Variants in FBXL4 observed in about 807,000 individuals in gnomAD.
FBXL4 encodes F-box and leucine rich repeat protein 4.
In FBXL4, 40 loss-of-function variants were observed where a neutral mutation model predicts 58.9. The observed-to-expected ratio is 0.68, with a 90% CI of 0.53 to 0.88. The LOEUF (loss-of-function observed/expected upper bound fraction) is 0.88, where lower values mean the gene tolerates loss of function less well. Among genes scored for constraint, FBXL4 ranks in the 40% least tolerant of loss-of-function variants. The pLI is 0.00. For missense variants in FBXL4, 676 were observed against 734.4 expected (o/e 0.92, Z 0.92); for synonymous variants, 263 against 265.5 (o/e 0.99, Z 0.09).
intron 4 of FBXL4, among the ~76,000 whole-genome samples, chr6:98,918,295 T>A (rs1299450047): frequency 2.0e-5 from 3 of 152,220 alleles, no homozygotes; most frequent in African/African-American, 7.2e-5. Context: ...TATCCTTATA[T>A]CCTTAGTATC....
intron 7 of FBXL4, among the ~76,000 whole-genome samples, chr6:98,888,533 T>C (rs1354254966): frequency 6.6e-6 from 1 of 152,174 alleles, no homozygotes; most frequent in East Asian, 1.9e-4. Flanking sequence ...AGTGAAAAAT[T>C]CTATGAACCT....
At chr6:98,896,976 T>C (rs1415886850) in intron 7 of FBXL4, 1 of 985,128 alleles carries the variant, frequency 1.0e-6, no homozygotes, top group Non-Finnish European at 1.2e-6. Flanking sequence ...TTAGATCACA[T>C]TACTATACAA....
At position 98,875,531 on chromosome 6, in the gene FBXL4, G is replaced by T. The variant is rs1443104983; in HGVS notation, c.1586C>A (p.Ala529Glu). Residue 529 changes from alanine (A) to glutamate (E), a missense_variant, in exon 9 of 10, where the codon GCA becomes GAA. Ala to Glu is a moderately radical substitution (Grantham distance 107). Coordinates refer to ENST00000369244, the MANE Select transcript of FBXL4 (RefSeq NM_001278716.2). ...QSSTGCFTRL[A>E]HQLPNLQKLF... ...TTTTTGCAAGTTTGGGAGCTGGTGT[G>T]CCAGTCTGGTGAAGCACCCGGTGCT... The T allele has an allele frequency of 1.9e-6, 3 of 1,614,010 alleles. No homozygotes were observed. The highest frequency in any genetic ancestry group is 2.5e-6 in the Non-Finnish European group (3 of 1,180,008).
intron 7 of FBXL4, among the ~76,000 whole-genome samples, chr6:98,888,571 G>GGTCCC (rs1409554437): frequency 1.3e-5 from 2 of 151,870 alleles, no homozygotes; most frequent in Non-Finnish European, 2.9e-5. Flanking sequence ...GTATCTTTCA[G>GGTCCC]GTCCCCAAGT....
rs1337591616 is a variant in FBXL4, at chr6:98,926,670, A to T, written c.319T>A (p.Cys107Ser). The change falls in exon 4 of 10, where the codon TGT becomes AGT. Residue 107 changes from cysteine (C) to serine (S), a missense_variant. By Grantham distance (112) the Cys-to-Ser change is moderately radical. Coordinates refer to ENST00000369244, the MANE Select transcript of FBXL4 (RefSeq NM_001278716.2). ...FRTYGTWWDQ[C>S]PSASLPFKRT... is the part of the protein sequence containing the mutation. ...TTGAATGGCAAGGAAGCACTAGGAC[A>T]CTGATCCCACCATGTCCCATAAGTT... 1 of 1,614,074 alleles carries T rather than the reference A, an allele frequency of 6.2e-7. No homozygotes were observed. Among genetic ancestry groups the T allele is most frequent in the Non-Finnish European group, 8.5e-7 (1 of 1,180,044 alleles).
At chr6:98,910,020 T>C (rs1178764470) in intron 5 of FBXL4, among the ~76,000 whole-genome samples, 1 of 152,214 alleles carries the variant, frequency 6.6e-6, no homozygotes, top group African/African-American at 2.4e-5. Flanking sequence ...TTCATGAAAG[T>C]TAAGCTATTT....
Position 98,940,236 on chromosome 6 carries a change from T to C in FBXL4, c.-308-5357A>G, listed in dbSNP as rs558623380. On this transcript the variant is annotated intron_variant, in intron 1 of 9. Transcript: ENST00000369244. ...TACACAATTTGCAAGTTTTTCAAAT[T>C]GTTGCAAATCTCCAAAATTTTTCTA... is the stretch of plus-strand genomic sequence containing the variant. Among the ~76,000 whole-genome samples, 14 of 152,322 alleles carry C rather than the reference T, an allele frequency of 9.2e-5. No homozygotes were observed. In the East Asian group the frequency reaches 1.7e-3, roughly 19 times the overall value.
intron 7 of FBXL4, among the ~76,000 whole-genome samples, chr6:98,882,986 G>A (rs1323865868): frequency 6.6e-6 from 1 of 151,944 alleles, no homozygotes; most frequent in African/African-American, 2.4e-5. Context: ...AGGTGTTTAT[G>A]TATTCTTTGA....
At chr6:98,905,400 A>G (rs1357718969) in intron 6 of FBXL4, 26 bp downstream of exon 6, 2 of 1,605,370 alleles carry the variant, frequency 1.2e-6, no homozygotes, top group Non-Finnish European at 1.7e-6. Context: ...GGGGGGAAAA[A>G]AACTTCATCA....
intron 4 of FBXL4, among the ~76,000 whole-genome samples, chr6:98,922,168 C>T (rs1240214487): frequency 7.9e-5 from 12 of 152,232 alleles, no homozygotes; most frequent in South Asian, 4.1e-4. Context: ...CCTTGTTATC[C>T]GCCCCCCTCG....
intron 5 of FBXL4, among the ~76,000 whole-genome samples, chr6:98,913,187 G>A (rs1434634316): frequency 6.6e-6 from 1 of 152,142 alleles, no homozygotes; most frequent in Non-Finnish European, 1.5e-5. Context: ...CAAGTCCTCA[G>A]TGACCTAAAA....
rs906499330 is a variant in FBXL4 at position 98,916,931 on chromosome 6, A to C, written c.858+443T>G. On this transcript the variant is annotated intron_variant, in intron 5 of 9. Coordinates refer to ENST00000369244, the MANE Select transcript of FBXL4 (RefSeq NM_001278716.2). ...TATAGAATAGAGTTAGTATAGAAAA[A>C]AAATGACACTTAGAGAAACTACAGA... 3.3e-5 allele frequency among the ~76,000 whole-genome samples: 5 copies of C among 152,232 alleles called. No homozygotes were observed. The East Asian group carries it at 9.6e-4, about 29-fold the overall frequency.
chr6:98,873,323 T>C lies in FBXL4; in HGVS notation c.*955A>G, dbSNP rs1770544940. ...ACATGTATATATTAAAAATCATAAA[T>C]GTGGATATATATTATCTATAATATG... On this transcript the variant is annotated 3_prime_UTR_variant, in exon 10 of 10. Transcript: ENST00000369244. 6.8e-6 allele frequency: 1 copy of C among 147,702 alleles called. No homozygotes were observed. Among genetic ancestry groups the C allele is most frequent in the South Asian group, 2.1e-4 (1 of 4,802 alleles). 9.1% of individuals were successfully genotyped at this position (147,702 alleles called of 1,614,324 possible).
intron 7 of FBXL4, among the ~76,000 whole-genome samples, chr6:98,890,039 T>G (rs1346733201): frequency 6.6e-6 from 1 of 152,194 alleles, no homozygotes; most frequent in Admixed American, 6.5e-5. Context: ...TATGCATACC[T>G]GTACATTTTA....
chr6:98,915,479 T>C (rs1772304049), intron 5 of FBXL4, among the ~76,000 whole-genome samples: 1 of 151,144 alleles, frequency 6.6e-6, no homozygotes, highest in Non-Finnish European at 1.5e-5. Context: ...GAGATATAGA[T>C]CAATGGAACA....
rs750610341 is a variant in FBXL4 at position 98,899,413 on chromosome 6, G to C, written c.1172C>G (p.Thr391Ser). 6.2e-6 allele frequency: 10 copies of C among 1,613,842 alleles called. No individual in the cohort carries two copies. In the East Asian group the frequency reaches 2.0e-4, roughly 32 times the overall value. Reference sequence around the variant, plus strand: ...CATCTCAGAAATAACTTCTAAGCAAGTTTCATTAAGAAAGTGGCTGCAAGA... The same window carrying C: ...CATCTCAGAAATAACTTCTAAGCAACTTTCATTAAGAAAGTGGCTGCAAGA... ...ELSCSHFLNE[T>S]CLEVISEMCP... The change falls in exon 7 of 10, where the codon ACT becomes AGT. Residue 391 changes from threonine (T) to serine (S), a missense_variant. Thr to Ser is a moderately conservative substitution (Grantham distance 58, BLOSUM62 1). Coordinates refer to ENST00000369244, the MANE Select transcript of FBXL4 (RefSeq NM_001278716.2).
Position 98,940,334 on chromosome 6 carries a change from T to C in FBXL4, c.-308-5455A>G, listed in dbSNP as rs562695573. Among the ~76,000 whole-genome samples, 4 of 152,326 alleles carry C rather than the reference T, an allele frequency of 2.6e-5. No individual in the cohort carries two copies. The South Asian group carries it at 8.3e-4, about 32-fold the overall frequency. On this transcript the variant is annotated intron_variant, in intron 1 of 9. Transcript: ENST00000369244. ...CCATGTTGTTCAAGGGTCAGCTACATTGGTATATCAATTCAGTTGTTGCTA... is the reference window on the plus strand; with the variant it reads ...CCATGTTGTTCAAGGGTCAGCTACACTGGTATATCAATTCAGTTGTTGCTA...
chr6:98,899,818 A>C (rs1771540530), intron 6 of FBXL4, among the ~76,000 whole-genome samples: 1 of 152,168 alleles, frequency 6.6e-6, no homozygotes, highest in African/African-American at 2.4e-5. Context: ...AAAAAAAAAC[A>C]GCAAAACATA....
intron 1 of FBXL4, among the ~76,000 whole-genome samples, chr6:98,939,847 T>C (rs1773367874): frequency 1.3e-5 from 2 of 152,252 alleles, no homozygotes; most frequent in Admixed American, 6.5e-5. Flanking sequence ...AATACACAAT[T>C]TACTAGAGAC....
Sources: allele counts gnomAD v4.1 joint callset (sites outside exome capture counted in the v4.1 genomes callset), GRCh38; gene constraint gnomAD v4.1.1; transcripts MANE v1.5; gene names NCBI Gene and HGNC (gene_info 2026-07-23, HGNC 2026-07-21).